The following AGPAT5 variants were observed in gnomAD, a reference collection of about 807,000 sequenced individuals.
AGPAT5 encodes 1-acylglycerol-3-phosphate O-acyltransferase 5.
In AGPAT5, 46 loss-of-function variants were observed where a neutral mutation model predicts 45.6. The ratio of observed to expected loss-of-function variants is 1.01; its 90% CI spans 0.80 to 1.29. The LOEUF (loss-of-function observed/expected upper bound fraction) is 1.29, where lower values mean the gene tolerates loss of function less well. Among genes scored for constraint, AGPAT5 ranks in the 50% most tolerant of loss-of-function variants. The pLI is 0.00. For missense variants in AGPAT5, 673 were observed against 450.7 expected, an observed-to-expected ratio of 1.49 and a Z score of -4.47; for synonymous variants, 272 against 167.0, an observed-to-expected ratio of 1.63 and a Z score of -4.85.
At chr8:6,741,856 A>G in intron 5 of AGPAT5, 105 bp downstream of exon 5, 1 of 843,910 alleles carries the variant, frequency 1.2e-6, no homozygotes, top group Non-Finnish European at 1.9e-6. Flanking sequence ...GAAGGAATGA[A>G]TGTATTCATT....
intron 4 of AGPAT5, among the ~76,000 whole-genome samples, chr8:6,739,702 A>G (rs1283042615): frequency 6.6e-6 from 1 of 152,114 alleles, no homozygotes; most frequent in Non-Finnish European, 1.5e-5. Flanking sequence ...TGTTATAGAA[A>G]TAACAGTTTT....
intron 6 of AGPAT5, among the ~76,000 whole-genome samples, chr8:6,753,258 A>G (rs942350392): frequency 1.1e-4 from 16 of 152,330 alleles, no homozygotes; most frequent in South Asian, 6.2e-4. Context: ...TCCACGAAGC[A>G]TTCTATTTCT....
rs149350461 is a variant in AGPAT5, at chr8:6,732,632, C to T, written c.477C>T (p.Tyr159=). The change falls in exon 4 of 8, where the codon TAC becomes TAT. Residue 159 remains tyrosine (Y), a synonymous_variant. Transcript: ENST00000285518. ...AGATGCGAAACAAGTTGCAGAGCTACGTGGACGCAGGAACTCCAGTAAGAG... is the reference window on the plus strand; with the variant it reads ...AGATGCGAAACAAGTTGCAGAGCTATGTGGACGCAGGAACTCCAGTAAGAG... ...EKEMRNKLQS[Y]VDAGTPMYLV... is the part of the protein sequence containing the mutation. 1.6e-5 allele frequency: 25 copies of T among 1,610,238 alleles called. No homozygotes were observed. In the East Asian group the frequency reaches 2.0e-4, roughly 13 times the overall value.
intron 2 of AGPAT5, among the ~76,000 whole-genome samples, chr8:6,729,416 T>A (rs1800790452): frequency 6.6e-6 from 1 of 151,208 alleles, no homozygotes; most frequent in Admixed American, 6.6e-5. Context: ...CCTGAGAACA[T>A]GGGTGATGAT....
rs1045252372 is a variant in AGPAT5, at chr8:6,761,115, C to G, written c.*3727C>G. On this transcript the variant is annotated 3_prime_UTR_variant, in exon 8 of 8. Transcript: ENST00000285518. ...TATACTATAATAATAGCTGGTTATCCTGAGCAGGGGAAAAGGTTATTTTTA... is the reference window on the plus strand; with the variant it reads ...TATACTATAATAATAGCTGGTTATCGTGAGCAGGGGAAAAGGTTATTTTTA... Among the ~76,000 whole-genome samples the G allele has an allele frequency of 2.0e-5, 3 of 152,040 alleles. No homozygotes were observed. Among genetic ancestry groups the G allele is most frequent in the African/African-American group, 7.2e-5 (3 of 41,404 alleles).
At chr8:6,711,675 A>G (rs1800159174) in intron 1 of AGPAT5, among the ~76,000 whole-genome samples, 1 of 152,178 alleles carries the variant, frequency 6.6e-6, no homozygotes, top group Non-Finnish European at 1.5e-5. Context: ...GTGATTCTGG[A>G]GGCCAGCACT....
chr8:6,750,603 A>T (rs1326895732), intron 6 of AGPAT5, among the ~76,000 whole-genome samples: 3 of 152,372 alleles, frequency 2.0e-5, no homozygotes, highest in East Asian at 1.9e-4. Context: ...AAGTGCACTT[A>T]CAAATTGATA....
Position 6,730,826 on chromosome 8 carries a change from G to A in AGPAT5, c.405G>A (p.Gln135=). The change falls in exon 3 of 8, where the codon CAG becomes CAA. Residue 135 remains glutamine (Q), a splice_region_variant and synonymous_variant. Transcript: ENST00000285518. The stretch of plus-strand genomic sequence containing the variant: ...CATTGTATGGGTGTTACTTTGCTCA[G>A]GTAACTTGTTTCCATGCTTTTCTCT... ...WLPLYGCYFA[Q]HGGIYVKRSA... 1.9e-6 allele frequency: 3 copies of A among 1,605,702 alleles called. No individual in the cohort carries two copies. Among genetic ancestry groups the A allele is most frequent in the Non-Finnish European group, 2.6e-6 (3 of 1,173,434 alleles).
At position 6,729,899 on chromosome 8, in the gene AGPAT5, A is replaced by G. The variant is rs554017462; in HGVS notation, c.290-812A>G. The stretch of plus-strand genomic sequence containing the variant: ...ACTTGGTTACATAAGGAGCACATAT[A>G]TCTACCCAGCATCATTGTAAGGCAT... On this transcript the variant is annotated intron_variant, in intron 2 of 7. Coordinates refer to ENST00000285518, the MANE Select transcript of AGPAT5 (RefSeq NM_018361.5). 1.8e-3 allele frequency among the ~76,000 whole-genome samples: 280 copies of G among 152,334 alleles called. 2 individuals are homozygous for G. Among genetic ancestry groups the G allele is most frequent in the African/African-American group, 6.5e-3 (270 of 41,576 alleles).
At chr8:6,751,250 A>C (rs574144777) in intron 6 of AGPAT5, among the ~76,000 whole-genome samples, 3 of 152,170 alleles carry the variant, frequency 2.0e-5, no homozygotes, top group East Asian at 3.8e-4. Flanking sequence ...TATTATCTCT[A>C]TATATAGTAG....
intron 6 of AGPAT5, among the ~76,000 whole-genome samples, chr8:6,749,513 A>C (rs1801585571): frequency 6.6e-6 from 1 of 152,168 alleles, no homozygotes; most frequent in African/African-American, 2.4e-5. Flanking sequence ...CTTGCTTTCC[A>C]CCCTGCTACC....
intron 6 of AGPAT5, among the ~76,000 whole-genome samples, chr8:6,754,522 A>G (rs1209263899): frequency 6.6e-6 from 1 of 152,170 alleles, no homozygotes; most frequent in Admixed American, 6.5e-5. Flanking sequence ...GTTGAGGATT[A>G]TCAGGCGCCT....
chr8:6,751,440 C>T (rs565805379), intron 6 of AGPAT5, among the ~76,000 whole-genome samples: 2 of 152,296 alleles, frequency 1.3e-5, no homozygotes, highest in East Asian at 3.9e-4. Flanking sequence ...ACGTTGCTAC[C>T]AGGACGCTCT....
rs1000076413 is a variant in AGPAT5 at position 6,747,672 on chromosome 8, C to T, written c.589C>T (p.Leu197Phe). The change falls in exon 6 of 8, where the codon CTT becomes TTT. Residue 197 changes from leucine to phenylalanine, a missense_variant and splice_region_variant. By Grantham distance (22) the Leu-to-Phe change is conservative. Transcript: ENST00000285518. ...GACGGCACTGAATTGACTTCTAGGC[C>T]TTGCAGTATTAAAACATGTGCTAAC... ...ASQAFAAQRG[L>F]AVLKHVLTPR... 1.7e-5 allele frequency: 28 copies of T among 1,612,410 alleles called. No individual in the cohort carries two copies. The highest frequency in any genetic ancestry group is 2.3e-5 in the Non-Finnish European group (27 of 1,178,840).
At chr8:6,743,383 G>A (rs1025674306) in intron 5 of AGPAT5, among the ~76,000 whole-genome samples, 2 of 152,114 alleles carry the variant, frequency 1.3e-5, no homozygotes, top group African/African-American at 4.8e-5. Context: ...AGAGAGCTTC[G>A]CTTGACTGGC....
intron 7 of AGPAT5, among the ~76,000 whole-genome samples, chr8:6,756,112 T>G (rs189569269): frequency 1.3e-5 from 2 of 152,366 alleles, no homozygotes; most frequent in Non-Finnish European, 2.9e-5. Context: ...CCCTTTCTGT[T>G]TGTGTTTTAG....
At position 6,760,736 on chromosome 8, in the gene AGPAT5, C is replaced by G. The variant is rs1802011146; in HGVS notation, c.*3348C>G. Among the ~76,000 whole-genome samples the G allele has an allele frequency of 6.6e-6, 1 of 152,168 alleles. No individual in the cohort carries two copies. The highest frequency in any genetic ancestry group is 2.4e-5 in the African/African-American group (1 of 41,426). ...CAGTTTTCATTACGAGTAACTCACACTTTTTGATTAAAGAACTTGAAATTA... is the reference window on the plus strand; with the variant it reads ...CAGTTTTCATTACGAGTAACTCACAGTTTTTGATTAAAGAACTTGAAATTA... On this transcript the variant is annotated 3_prime_UTR_variant, in exon 8 of 8. Transcript: ENST00000285518.
rs189235552 is a variant in AGPAT5, at chr8:6,739,150, A to G, written c.496-2511A>G. Among the ~76,000 whole-genome samples the G allele has an allele frequency of 4.6e-5, 7 of 152,174 alleles. No homozygotes were observed. The East Asian group carries it at 1.2e-3, about 25-fold the overall frequency. ...CATTTGTTCTGTTATATTGATCTAT[A>G]TATATATATCCTTATGCCAATACCA... On this transcript the variant is annotated intron_variant, in intron 4 of 7. Coordinates refer to ENST00000285518, the MANE Select transcript of AGPAT5 (RefSeq NM_018361.5).
chr8:6,732,474 T>G (rs1357784003), intron 3 of AGPAT5, 87 bp from the exon 4 acceptor site: 1 of 945,104 alleles, frequency 1.1e-6, no homozygotes, highest in African/African-American at 1.7e-5. Flanking sequence ...ATTCTGTACT[T>G]TTTGCAAGAG....
Sources: allele counts gnomAD v4.1 joint callset (sites outside exome capture counted in the v4.1 genomes callset), GRCh38; gene constraint gnomAD v4.1.1; transcripts MANE v1.5; gene names NCBI Gene and HGNC (gene_info 2026-07-23, HGNC 2026-07-21).